Variants in DMD observed in about 807,000 individuals in gnomAD.
DMD encodes the protein dystrophin.
A neutral mutation model predicts 330.1 loss-of-function variants in DMD; 63 were observed. That is an observed-to-expected ratio of 0.19 (90% CI 0.16 to 0.24). DMD has a LOEUF of 0.24. Among genes scored for constraint, DMD ranks in the 10% least tolerant of loss-of-function variants. The pLI is 1.00. For missense variants in DMD, 3,344 were observed against 2,684.1 expected, an observed-to-expected ratio of 1.25 and a Z score of -5.43; for synonymous variants, 1,223 against 959.8, an observed-to-expected ratio of 1.27 and a Z score of -5.07.
At chrX:31,757,707 C>T (rs372680083) in intron 51 of DMD, among the ~76,000 whole-genome samples, 11 of 110,310 alleles carry the variant, frequency 1.0e-4, no homozygotes, top group South Asian at 3.9e-4. Context: ...AATCACCCCC[C>T]CAAACCCCCA....
chrX:31,554,739 T>C (rs1170067412), intron 55 of DMD, among the ~76,000 whole-genome samples: 1 of 112,138 alleles, frequency 8.9e-6, no homozygotes, highest in Non-Finnish European at 1.9e-5. Context: ...TCATTAAATA[T>C]TTATTATGTG....
chrX:32,391,796 T>C (rs1395696578), intron 30 of DMD, among the ~76,000 whole-genome samples: 1 of 111,577 alleles, frequency 9.0e-6, no homozygotes, highest in Non-Finnish European at 1.9e-5. Context: ...ACGGAGGATG[T>C]CATAAGGGAG....
chrX:31,699,604 G>A lies in DMD; in HGVS notation c.7661-20018C>T, dbSNP rs188721072. 3.7e-3 allele frequency among the ~76,000 whole-genome samples: 412 copies of A among 111,965 alleles called. 2 individuals are homozygous for A. The highest frequency in any genetic ancestry group is 0.012 in the African/African-American group (372 of 30,849). The stretch of plus-strand genomic sequence containing the variant: ...TCAAAACTCATTTCATAATACACAT[G>A]AGATTTACACATTCTAGTCTATACA... On this transcript the variant is annotated intron_variant, in intron 52 of 78. Coordinates refer to ENST00000357033, the MANE Select transcript of DMD (RefSeq NM_004006.3).
chrX:32,594,165 T>C (rs2055254855), intron 13 of DMD, among the ~76,000 whole-genome samples: 5 of 112,174 alleles, frequency 4.5e-5, no homozygotes. Flanking sequence ...ATATATCCTA[T>C]TGGAAGTATT....
chrX:32,613,240 T>A lies in DMD; in HGVS notation c.1482+1063A>T, dbSNP rs769671343. Among the ~76,000 whole-genome samples, 18 of 111,596 alleles carry A rather than the reference T, an allele frequency of 1.6e-4. No homozygotes were observed. The East Asian group carries it at 3.1e-3, about 19-fold the overall frequency. ...TTTAAGTAGGCTTCTTTTATTTGTG[T>A]CTGCTAAATGTGGCAACCCTAATCC... On this transcript the variant is annotated intron_variant, in intron 12 of 78. Transcript: ENST00000357033.
At chrX:31,706,339 G>A (rs5927034) in intron 52 of DMD, among the ~76,000 whole-genome samples, 47,852 of 109,025 alleles carry the variant, frequency 0.44, 8,556 homozygotes, top group African/African-American at 0.64. Flanking sequence ...CTAAAAGTTA[G>A]AATTTTGGAA....
At chrX:32,945,777 A>G (rs766024312) in intron 2 of DMD, among the ~76,000 whole-genome samples, 1 of 111,759 alleles carries the variant, frequency 8.9e-6, no homozygotes, top group East Asian at 2.8e-4. Context: ...AAAGTATTGT[A>G]TATTTTTTCC....
At chrX:32,035,367 C>T (rs992240396) in intron 44 of DMD, among the ~76,000 whole-genome samples, 1 of 111,350 alleles carries the variant, frequency 9.0e-6, no homozygotes, top group African/African-American at 3.3e-5. Context: ...ATTACCAAAA[C>T]AGTTACTTCT....
chrX:31,691,959 A>G (rs2083155891), intron 52 of DMD, among the ~76,000 whole-genome samples: 1 of 111,987 alleles, frequency 8.9e-6, no homozygotes, highest in African/African-American at 3.2e-5. Flanking sequence ...TGCCCTGAAC[A>G]GTAGGAAAAT....
At chrX:32,746,792 T>C in intron 7 of DMD, among the ~76,000 whole-genome samples, 1 of 111,568 alleles carries the variant, frequency 9.0e-6, no homozygotes, top group Non-Finnish European at 1.9e-5. Flanking sequence ...TTTAGAACAC[T>C]AGTACATATC....
intron 1 of DMD, among the ~76,000 whole-genome samples, chrX:33,047,220 C>G (rs1421622757): frequency 8.9e-6 from 1 of 112,193 alleles, no homozygotes; most frequent in Non-Finnish European, 1.9e-5. Context: ...AATCACTGAT[C>G]GTGTTGCTGA....
chrX:31,246,168 C>T (rs2048814800), intron 63 of DMD, among the ~76,000 whole-genome samples: 1 of 112,384 alleles, frequency 8.9e-6, no homozygotes, highest in African/African-American at 3.2e-5. Flanking sequence ...AATAGAAGAT[C>T]AAACTAGCCA....
intron 74 of DMD, among the ~76,000 whole-genome samples, chrX:31,168,042 A>G (rs1178332134): frequency 8.9e-6 from 1 of 111,962 alleles, no homozygotes; most frequent in Non-Finnish European, 1.9e-5. Flanking sequence ...CTCCATGGGG[A>G]AAGTTATTTT....
At chrX:33,124,481 A>G (rs2095446747) in intron 1 of DMD, among the ~76,000 whole-genome samples, 1 of 10,315 alleles carries the variant, frequency 9.7e-5, no homozygotes, top group East Asian at 0.015. Context: ...TGTCTGAAAA[A>G]AAAAAAAAAA....
chrX:32,918,110 CA>C (rs2088017767), intron 2 of DMD, among the ~76,000 whole-genome samples: 1 of 111,080 alleles, frequency 9.0e-6, no homozygotes, highest in Non-Finnish European at 1.9e-5. Flanking sequence ...AAGTCTAAGA[CA>C]AAGGTGCTTA....
rs751593262 is a variant in DMD, at chrX:33,264,970, A to G, written c.7+74289T>C. On this transcript the variant is annotated intron_variant, in intron 1 of 17. Coordinates refer to the DMD transcript ENST00000288447. ...TGGAAACTCAGAGGTTTATGGTCAC[A>G]TAAGAGTGAAAGGGCAATCAAGGAG... 5.4e-5 allele frequency among the ~76,000 whole-genome samples: 6 copies of G among 111,194 alleles called. No individual in the cohort carries two copies. In the South Asian group the frequency reaches 2.3e-3, roughly 42 times the overall value.
rs1491426690 is a variant in DMD, at chrX:33,009,687, TGC to T, written c.93+10450_93+10451del. Among the ~76,000 whole-genome samples the T allele has an allele frequency of 2.0e-4, 10 of 50,093 alleles. 3 individuals are homozygous for T. The highest frequency in any genetic ancestry group is 4.7e-4 in the African/African-American group (8 of 16,867). The allele number at this position is 50,093 out of a possible 115,157, so 43.5% of individuals were successfully genotyped here. ...ATATGTGTATACGTATATGTGTATA[TGC>T]ACATATGTGTGTATACGTATATGTG... On this transcript the variant is annotated intron_variant, in intron 2 of 78. Transcript: ENST00000357033.
chrX:33,149,444 G>T (rs912822977), intron 1 of DMD, among the ~76,000 whole-genome samples: 1 of 112,192 alleles, frequency 8.9e-6, no homozygotes, highest in African/African-American at 3.2e-5. Context: ...CTCACCGCTC[G>T]CCTCCTGCTG....
chrX:33,064,118 T>C (rs2094615106), intron 1 of DMD, among the ~76,000 whole-genome samples: 1 of 111,090 alleles, frequency 9.0e-6, no homozygotes, highest in Admixed American at 9.6e-5. Flanking sequence ...TTCAAACTCA[T>C]TTTGATAGGG....
Sources: allele counts gnomAD v4.1 joint callset (sites outside exome capture counted in the v4.1 genomes callset), GRCh38; gene constraint gnomAD v4.1.1; transcripts MANE v1.5; gene names NCBI Gene and HGNC (gene_info 2026-07-23, HGNC 2026-07-21).